Variants in CEP72 observed in about 807,000 individuals in gnomAD.
CEP72 encodes centrosomal protein 72.
A neutral mutation model predicts 65.7 loss-of-function variants in CEP72; 78 were observed. The observed-to-expected ratio is 1.19, with a 90% confidence interval of 0.99 to 1.43. The LOEUF is 1.43. Among genes scored for constraint, CEP72 ranks in the 40% most tolerant of loss-of-function variants. The pLI is 0.00. For synonymous variants in CEP72, 358 were observed against 351.7 expected (o/e 1.02, Z -0.20); for missense variants, 914 against 832.9 (o/e 1.10, Z -1.20).
chr5:640,291 C>T (rs1737922353), intron 8 of CEP72, 117 bp from the exon 9 acceptor site: 5 of 965,020 alleles, frequency 5.2e-6, no homozygotes, highest in African/African-American at 4.6e-5. Context: ...TCCCCTCTCC[C>T]TACCTGTCGT....
Position 633,700 on chromosome 5 carries a change from T to C in CEP72, c.513-69T>C, listed in dbSNP as rs867732721. On this transcript the variant is annotated intron_variant, in intron 4 of 11. Coordinates refer to ENST00000264935, the MANE Select transcript of CEP72 (RefSeq NM_018140.4). ...AGAGACCGTGCAGGAATTTTCCTTC[T>C]CCTGGTCTGCGTGGGCCGGAGCATA... The C allele has an allele frequency of 6.1e-6, 9 of 1,466,750 alleles. No individual in the cohort carries two copies. In the African/African-American group the frequency reaches 9.7e-5, roughly 16 times the overall value. 90.9% of individuals were successfully genotyped at this position (1,466,750 alleles called of 1,614,324 possible). A position where few individuals can be genotyped will look rare whatever the true frequency, so the allele number is the denominator to read the frequency against.
At position 635,600 on chromosome 5, in the gene CEP72, T is replaced by G. The variant is rs375682809; in HGVS notation, c.904+16T>G. ...CCACACCCAGGTACTTACGCGTGTC[T>G]TAGTCTGTTTTCTGTTGCTGTAACA... On this transcript the variant is annotated intron_variant, in intron 6 of 11. Transcript: ENST00000264935. The G allele has an allele frequency of 2.7e-5, 43 of 1,576,274 alleles. No individual in the cohort carries two copies. Among genetic ancestry groups the G allele is most frequent in the Non-Finnish European group, 3.7e-5 (43 of 1,147,272 alleles).
chr5:665,938 C>CCCCCCCCCCCCAACA, intron 3 of CEP72: 3 of 1,366,590 alleles, frequency 2.2e-6, no homozygotes, highest in African/African-American at 1.6e-5. Context: ...CCACCCCCTC[C>CCCCCCCCCCCCAACA]AGGCCCCGCC....
At chr5:630,086 A>C (rs1340662744) in intron 4 of CEP72, among the ~76,000 whole-genome samples, 2 of 2,306 alleles carry the variant, frequency 8.7e-4, no homozygotes, top group Non-Finnish European at 1.2e-3. Context: ...CGGGATTTAG[A>C]CCAGTCCTGG....
chr5:662,122 C>G (rs1402560821), intron 1 of CEP72: 1 of 152,486 alleles, frequency 6.6e-6, no homozygotes, highest in Non-Finnish European at 1.5e-5. Context: ...GGGACCACTT[C>G]TGTGAATGAG....
At chr5:643,358 A>T (rs1689434477) in intron 9 of CEP72, 2 of 985,466 alleles carry the variant, frequency 2.0e-6, no homozygotes, top group Non-Finnish European at 2.4e-6. Flanking sequence ...GGTTGGCGCC[A>T]CTGCAGCAGA....
At position 612,404 on chromosome 5, in the gene CEP72, G is replaced by A. The variant is rs915229581; in HGVS notation, c.43G>A (p.Val15Ile). 4 of 1,489,178 alleles carry A rather than the reference G, an allele frequency of 2.7e-6. No individual in the cohort carries two copies. Among genetic ancestry groups the A allele is most frequent in the Admixed American group, 2.2e-5 (1 of 45,098 alleles). The allele number at this position is 1,489,178 out of a possible 1,614,324, so 92.2% of individuals were successfully genotyped here. A position where few individuals can be genotyped will look rare whatever the true frequency, so the allele number is the denominator to read the frequency against. ...GPRLVLSEEAVRAKSGLGPHR... is the reference protein window; with the variant it reads ...GPRLVLSEEAIRAKSGLGPHR... ...TCGGCTGGTGCTGAGCGAGGAGGCG[G>A]TTCGGGCGAAGAGCGGCTTAGGGCC... Residue 15 changes from valine to isoleucine, a missense_variant, in exon 1 of 12, where the codon GTT becomes ATT. Coordinates refer to ENST00000264935, the MANE Select transcript of CEP72 (RefSeq NM_018140.4).
At chr5:633,601 G>C (rs192132486) in intron 4 of CEP72, among the ~76,000 whole-genome samples, 168 bp from the exon 5 acceptor site, 1 of 152,390 alleles carries the variant, frequency 6.6e-6, no homozygotes, top group Admixed American at 6.5e-5. Flanking sequence ...TCCTTGGTGA[G>C]TCACTCTTTA....
intron 4 of CEP72, among the ~76,000 whole-genome samples, chr5:666,277 G>T (rs1739909820): frequency 6.6e-6 from 1 of 152,144 alleles, no homozygotes; most frequent in Admixed American, 6.5e-5. Context: ...AATCCAAACT[G>T]TCTTGGAAGA....
In CEP72 at chr5:645,043, G is replaced by A. The variant is rs750856938; in HGVS notation, c.1666+618G>A. On this transcript the variant is annotated intron_variant, in intron 10 of 11. Coordinates refer to ENST00000264935, the MANE Select transcript of CEP72 (RefSeq NM_018140.4). The surrounding 1 kb of genome is among the most constrained non-coding windows in gnomAD (Gnocchi z 4.0). ...TCCACGGTAACCTTCTCGGTGTGGC[G>A]TGGAGTCTCTTGGAAGTTTTAACTC... Among the ~76,000 whole-genome samples the A allele has an allele frequency of 1.5e-4, 23 of 151,974 alleles. No individual in the cohort carries two copies. The highest frequency in any genetic ancestry group is 1.8e-4 in the Non-Finnish European group (12 of 68,000).
intron 11 of CEP72, 72 bp downstream of exon 11, chr5:647,988 T>A: frequency 1.0e-6 from 1 of 1,002,880 alleles, no homozygotes; most frequent in Non-Finnish European, 1.5e-6. Flanking sequence ...TGGGCCGGAC[T>A]GGGTCACACC....
Position 612,474 on chromosome 5 carries a change from G to C in CEP72, c.82+31G>C, listed in dbSNP as rs1294951389. The C allele has an allele frequency of 2.1e-6, 3 of 1,396,322 alleles. No individual in the cohort carries two copies. The Admixed American group carries it at 8.7e-5, about 40-fold the overall frequency. The allele number at this position is 1,396,322 out of a possible 1,614,324, so 86.5% of individuals were successfully genotyped here. On this transcript the variant is annotated intron_variant, in intron 1 of 11. Transcript: ENST00000264935. ...CCGGAGGGCGGGCGGGGGTGCAAGCGTGAGGTGGCGGGGGGGTGGGTGCCG... is the reference window on the plus strand; with the variant it reads ...CCGGAGGGCGGGCGGGGGTGCAAGCCTGAGGTGGCGGGGGGGTGGGTGCCG...
At chr5:658,892 T>C (rs1218519920), downstream of CEP72, among the ~76,000 whole-genome samples, 2 of 152,144 alleles carry the variant, frequency 1.3e-5, no homozygotes, top group Non-Finnish European at 2.9e-5. Flanking sequence ...ATGGTCTCAA[T>C]CTCCTGACCT....
At chr5:665,274 A>C in exon 3 of CEP72, 1 of 1,613,326 alleles carries the variant, frequency 6.2e-7, no homozygotes, top group Non-Finnish European at 8.5e-7. Flanking sequence ...GAGCCTCGAC[A>C]CTGTGGGCGA....
At chr5:650,085 T>TG (rs775247178) in intron 11 of CEP72, among the ~76,000 whole-genome samples, 102 of 1,772 alleles carry the variant, frequency 0.058, 33 homozygotes, top group Middle Eastern at 0.5. Context: ...CTGTGAGGCG[T>TG]GACTGTGAGG....
the CEP72 span, among the ~76,000 whole-genome samples, chr5:675,037 GGGGT>G: frequency 2.0e-5 from 2 of 99,316 alleles, no homozygotes; most frequent in Admixed American, 9.5e-5. Flanking sequence ...AGCAGTGAGG[GGGGT>G]ACAGTATGGC....
At chr5:672,273 T>G in the CEP72 span, among the ~76,000 whole-genome samples, 1 of 151,196 alleles carries the variant, frequency 6.6e-6, no homozygotes, top group Non-Finnish European at 1.5e-5. Flanking sequence ...CCAGGGAGCC[T>G]GGCCCTGCTG....
intron 9 of CEP72, chr5:641,345 G>T (rs1485774698): frequency 5.1e-6 from 5 of 985,288 alleles, no homozygotes; most frequent in Non-Finnish European, 1.2e-6. Context: ...TGGTGTGAGG[G>T]CAGAGCCACG....
intron 4 of CEP72, among the ~76,000 whole-genome samples, chr5:631,597 C>T (rs1374591532): frequency 2.8e-5 from 1 of 35,846 alleles, no homozygotes; most frequent in Non-Finnish European, 4.7e-5. Context: ...TGTCCAGTGC[C>T]GGGATTTGGA....
Sources: allele counts gnomAD v4.1 joint callset (sites outside exome capture counted in the v4.1 genomes callset), GRCh38; gene constraint gnomAD v4.1.1; non-coding constraint Gnocchi (gnomAD v3.1); transcripts MANE v1.5; gene names NCBI Gene and HGNC (gene_info 2026-07-23, HGNC 2026-07-21).